The following MATCAP1 variants were observed in gnomAD, a reference collection of about 807,000 sequenced individuals.
MATCAP1 encodes microtubule-associated tyrosine carboxypeptidase 1.
chr16:67,180,011 G>A, the MATCAP1 span: 2 of 1,612,784 alleles, frequency 1.2e-6, no homozygotes, highest in Non-Finnish European at 1.7e-6. Context: ...GGTGGTCAGG[G>A]CCAGGATACG....
the MATCAP1 span, chr16:67,179,092 G>A: frequency 1.7e-6 from 2 of 1,183,070 alleles, no homozygotes; most frequent in South Asian, 3.9e-5. The surrounding 1 kb of genome is among the most constrained non-coding windows in gnomAD (Gnocchi z 5.2). Context: ...CAGCGTGGTG[G>A]CTGGCCTGGT....
the MATCAP1 span, chr16:67,176,744 G>A: frequency 2.1e-6 from 3 of 1,424,108 alleles, no homozygotes; most frequent in Non-Finnish European, 2.8e-6. This position sits in a 1 kb window ranked among gnomAD's most constrained non-coding sequence, Gnocchi z 4.3. Context: ...AGAGCAAACT[G>A]CTTCATGTTC....
chr16:67,178,454 C>A, the MATCAP1 span: 1 of 1,534,910 alleles, frequency 6.5e-7, no homozygotes, highest in Non-Finnish European at 8.7e-7. Flanking sequence ...CGGCCCTCCG[C>A]GTTGTGCCAC....
At chr16:67,178,003 C>T in the MATCAP1 span, 1 of 1,611,644 alleles carries the variant, frequency 6.2e-7, no homozygotes, top group Non-Finnish European at 8.5e-7. Flanking sequence ...GGTCCACAGC[C>T]CCTCACCTTG....
the MATCAP1 span, chr16:67,178,289 G>T: frequency 6.3e-7 from 1 of 1,578,702 alleles, no homozygotes; most frequent in Non-Finnish European, 8.6e-7. Context: ...TCCAGGTCCT[G>T]GAAGAGCTGA....
chr16:67,180,686 T>C, the MATCAP1 span: 5 of 1,116,498 alleles, frequency 4.5e-6, no homozygotes, highest in South Asian at 1.7e-5. Context: ...CAGAAGGGCA[T>C]GTGGAGACCA....
chr16:67,180,416 C>T, the MATCAP1 span: 56 of 1,612,046 alleles, frequency 3.5e-5, no homozygotes, highest in Non-Finnish European at 4.5e-5. Flanking sequence ...TCTGTGAGAA[C>T]GGCTGCTGCT....
the MATCAP1 span, chr16:67,180,033 G>C: frequency 6.2e-7 from 1 of 1,613,402 alleles, no homozygotes; most frequent in Non-Finnish European, 8.5e-7. Flanking sequence ...TGGGGAGGCT[G>C]GACTGACCTG....
the MATCAP1 span, chr16:67,180,214 C>T: frequency 3.8e-5 from 61 of 1,614,214 alleles, no homozygotes; most frequent in Non-Finnish European, 4.5e-5. Context: ...CTCTTGCTGG[C>T]AATATGGCCT....
chr16:67,178,144 C>T, the MATCAP1 span: 18 of 1,453,918 alleles, frequency 1.2e-5, no homozygotes, highest in Admixed American at 1.9e-5. Flanking sequence ...CCGCCCCTCG[C>T]CCGAAGCCCC....
chr16:67,183,561 T>A, the MATCAP1 span: 1 of 152,268 alleles, frequency 6.6e-6, no homozygotes. Context: ...ACTGGGTGCA[T>A]AATGAATGAA....
chr16:67,182,373 T>C, the MATCAP1 span, among the ~76,000 whole-genome samples: 42 of 152,216 alleles, frequency 2.8e-4, no homozygotes, highest in African/African-American at 9.9e-4. Context: ...CCTGACCTCT[T>C]AATACTGTAA....
At chr16:67,180,996 G>C in the MATCAP1 span, among the ~76,000 whole-genome samples, 1 of 152,302 alleles carries the variant, frequency 6.6e-6, no homozygotes, top group South Asian at 2.1e-4. Flanking sequence ...CAAAGTGCTG[G>C]AATTAAATGC....
the MATCAP1 span, chr16:67,176,627 C>T: frequency 5.8e-6 from 3 of 513,552 alleles, no homozygotes; most frequent in Non-Finnish European, 6.5e-6. This position sits in a 1 kb window ranked among gnomAD's most constrained non-coding sequence, Gnocchi z 4.3. Flanking sequence ...TCCCCAGACC[C>T]CAGGGAGGCT....
At chr16:67,176,685 G>T in the MATCAP1 span, 3 of 873,420 alleles carry the variant, frequency 3.4e-6, no homozygotes, top group Non-Finnish European at 4.9e-6. This position sits in a 1 kb window ranked among gnomAD's most constrained non-coding sequence, Gnocchi z 4.3. Context: ...CTCAAGGAAT[G>T]CTCCTGCCCT....
At chr16:67,176,005 G>C in the MATCAP1 span, 5 of 153,430 alleles carry the variant, frequency 3.3e-5, no homozygotes, top group Non-Finnish European at 7.2e-5. This position sits in a 1 kb window ranked among gnomAD's most constrained non-coding sequence, Gnocchi z 4.3. Flanking sequence ...GGAGGGAGTG[G>C]GGAACAGGGC....
chr16:67,178,214 C>T, the MATCAP1 span: 1 of 1,519,112 alleles, frequency 6.6e-7, no homozygotes, highest in South Asian at 1.2e-5. Context: ...AGCGAGGTGT[C>T]GGTCTGGCCG....
chr16:67,176,522 T>C, the MATCAP1 span: 1 of 335,394 alleles, frequency 3.0e-6, no homozygotes. This position sits in a 1 kb window ranked among gnomAD's most constrained non-coding sequence, Gnocchi z 4.3. Flanking sequence ...TCCCCATCAA[T>C]GCTCAGCTCT....
chr16:67,178,565 C>G, the MATCAP1 span: 2 of 1,398,002 alleles, frequency 1.4e-6, no homozygotes, highest in Admixed American at 2.0e-5. Context: ...GCCTGCGAGC[C>G]CAGCCCTGGC....
Sources: gnomAD v4.1 joint callset for allele counts (sites outside exome capture counted in the v4.1 genomes callset) on GRCh38, gnomAD v4.1.1 for gene constraint, Gnocchi (gnomAD v3.1) non-coding constraint, MANE v1.5 for transcripts, NCBI Gene and HGNC (gene_info 2026-07-23, HGNC 2026-07-21) for gene names.